Variants in SPATA16 observed in about 807,000 individuals in gnomAD.
SPATA16 encodes the protein spermatogenesis associated 16.
A neutral mutation model predicts 63.3 loss-of-function variants in SPATA16; 36 were observed. The observed-to-expected ratio is 0.57, with a 90% CI of 0.44 to 0.75. The LOEUF is 0.75. Ranked by LOEUF, SPATA16 falls within the 30% of genes least tolerant of loss-of-function variation. The pLI, the probability that SPATA16 is intolerant of heterozygous loss-of-function variation, is 0.00. For synonymous variants in SPATA16, 203 were observed against 216.7 expected (o/e 0.94, Z 0.56); for missense variants, 646 against 679.3 (o/e 0.95, Z 0.54).
chr3:173,113,876 T>A (rs1189843533), intron 2 of SPATA16, among the ~76,000 whole-genome samples: 1 of 152,200 alleles, frequency 6.6e-6, no homozygotes, highest in Non-Finnish European at 1.5e-5. Context: ...ACCACATATT[T>A]GGCAACCATT....
rs147273540 is a variant in SPATA16 at position 173,053,849 on chromosome 3, G to T, written c.613-4755C>A. On this transcript the variant is annotated intron_variant, in intron 2 of 10. Coordinates refer to ENST00000351008, the MANE Select transcript of SPATA16 (RefSeq NM_031955.6). ...ATAATCATCAATTGGTAATTTTTAA[G>T]GTTTTTGGAAATTATAAAAAAATCT... 8.8e-4 allele frequency among the ~76,000 whole-genome samples: 133 copies of T among 151,932 alleles called. 1 individual carries two copies. Among genetic ancestry groups the T allele is most frequent in the African/African-American group, 2.9e-3 (120 of 41,442 alleles).
chr3:173,115,067 G>A (rs1003542326), intron 2 of SPATA16, among the ~76,000 whole-genome samples: 1 of 152,132 alleles, frequency 6.6e-6, no homozygotes, highest in African/African-American at 2.4e-5. Flanking sequence ...CTGGGAGAGA[G>A]AAGGAGAACA....
chr3:172,938,814 C>T (rs1733073039), intron 6 of SPATA16, among the ~76,000 whole-genome samples: 1 of 148,060 alleles, frequency 6.8e-6, no homozygotes, highest in African/African-American at 2.5e-5. Flanking sequence ...AGTTGTTTTT[C>T]AGAGATCCAG....
chr3:173,117,079 T>C, intron 2 of SPATA16, 41 bp downstream of exon 2: 1 of 1,596,740 alleles, frequency 6.3e-7, no homozygotes, highest in South Asian at 1.1e-5. Context: ...TTCCATTTCA[T>C]AGTTTCCTGT....
chr3:172,978,161 C>CTCTCTA (rs779050166), intron 4 of SPATA16, among the ~76,000 whole-genome samples: 59 of 147,230 alleles, frequency 4.0e-4, no homozygotes, highest in African/African-American at 1.4e-3. Flanking sequence ...CTCTCTCTCT[C>CTCTCTA]TATATATATA....
intron 2 of SPATA16, among the ~76,000 whole-genome samples, chr3:173,088,274 G>A (rs1413667797): frequency 6.6e-5 from 10 of 151,238 alleles, no homozygotes; most frequent in East Asian, 1.9e-4. Flanking sequence ...TAGTAGAGAC[G>A]GGGTTTCACC....
Position 173,060,085 on chromosome 3 carries a change from G to A in SPATA16, c.613-10991C>T, listed in dbSNP as rs553650959. On this transcript the variant is annotated intron_variant, in intron 2 of 10. Transcript: ENST00000351008. The stretch of plus-strand genomic sequence containing the variant: ...CAGCCTGGCCAACATGGTGAAACCC[G>A]GTCTCTACTAAAAATATAAAAATTA... 1.1e-4 allele frequency among the ~76,000 whole-genome samples: 17 copies of A among 151,428 alleles called. No individual in the cohort carries two copies. The East Asian group carries it at 2.7e-3, about 24-fold the overall frequency.
At chr3:173,104,267 T>C (rs1391204901) in intron 2 of SPATA16, among the ~76,000 whole-genome samples, 1 of 152,214 alleles carries the variant, frequency 6.6e-6, no homozygotes, top group Non-Finnish European at 1.5e-5. Flanking sequence ...CCAAACTCTT[T>C]AAACCTCTGC....
At chr3:172,896,482 A>G (rs1389972641) in intron 10 of SPATA16, among the ~76,000 whole-genome samples, 2 of 152,110 alleles carry the variant, frequency 1.3e-5, no homozygotes, top group African/African-American at 4.8e-5. Flanking sequence ...TGGCCTCCCA[A>G]AGTGCTGGGA....
intron 10 of SPATA16, among the ~76,000 whole-genome samples, chr3:172,901,585 G>A (rs988365917): frequency 1.1e-4 from 17 of 152,144 alleles, no homozygotes; most frequent in African/African-American, 3.1e-4. Flanking sequence ...AGATCTTTCC[G>A]GTTTTTGGTG....
intron 1 of SPATA16, among the ~76,000 whole-genome samples, chr3:173,128,367 A>G (rs1020735115): frequency 2.0e-5 from 3 of 152,214 alleles, no homozygotes; most frequent in African/African-American, 7.2e-5. Flanking sequence ...ATGATTTACT[A>G]AGCAACAACT....
chr3:173,117,145 G>C lies in SPATA16; in HGVS notation c.587C>G (p.Ala196Gly). ...CYRQKKYALAAGQFRTALELC... is the reference protein window; with the variant it reads ...CYRQKKYALAGGQFRTALELC... Reference sequence around the variant, plus strand: ...CTCAAGTGCTGTTCTGAACTGTCCTGCTGCCAAGGCGTATTTCTTTTGTCT... The same window carrying C: ...CTCAAGTGCTGTTCTGAACTGTCCTCCTGCCAAGGCGTATTTCTTTTGTCT... The change falls in exon 2 of 11, where the codon GCA becomes GGA. Residue 196 changes from alanine (A) to glycine (G), a missense_variant. Physicochemically the swap from Ala to Gly is moderately conservative, Grantham distance 60 (BLOSUM62 0). Coordinates refer to ENST00000351008, the MANE Select transcript of SPATA16 (RefSeq NM_031955.6). The C allele has an allele frequency of 6.2e-7, 1 of 1,614,046 alleles. No homozygotes were observed. Among genetic ancestry groups the C allele is most frequent in the African/African-American group, 1.3e-5 (1 of 75,030 alleles).
chr3:173,080,595 G>A (rs1201876851), intron 2 of SPATA16, among the ~76,000 whole-genome samples: 3 of 152,148 alleles, frequency 2.0e-5, no homozygotes, highest in Non-Finnish European at 4.4e-5. Context: ...TATGGACGGG[G>A]TGATCTCAGA....
rs150488012 is a variant in SPATA16 at position 173,138,534 on chromosome 3, A to G, written c.-19+2569T>C. On this transcript the variant is annotated intron_variant, in intron 1 of 10. Transcript: ENST00000351008. ...AATAATGTTTATGTTTGAAAGGCAC[A>G]TGCACAACTTATTTAGGTAAATCTA... Among the ~76,000 whole-genome samples, 677 of 152,342 alleles carry G rather than the reference A, an allele frequency of 4.4e-3. 6 individuals are homozygous for G. The highest frequency in any genetic ancestry group is 0.016 in the African/African-American group (647 of 41,578).
chr3:173,016,962 G>C (rs916819627), intron 4 of SPATA16, among the ~76,000 whole-genome samples: 1 of 151,290 alleles, frequency 6.6e-6, no homozygotes, highest in African/African-American at 2.4e-5. Flanking sequence ...TACAGTGAGC[G>C]CTGAGACTGT....
chr3:172,916,390 A>T lies in SPATA16; in HGVS notation c.1430T>A (p.Val477Glu), dbSNP rs778896820. 6.2e-7 allele frequency: 1 copy of T among 1,613,884 alleles called. No individual in the cohort carries two copies. The highest frequency in any genetic ancestry group is 1.1e-5 in the South Asian group (1 of 91,080). Residue 477 changes from valine to glutamate, a missense_variant, in exon 9 of 11, where the codon GTG (valine) becomes GAG (glutamate). By Grantham distance (121) the Val-to-Glu change is moderately radical. Coordinates refer to ENST00000351008, the MANE Select transcript of SPATA16 (RefSeq NM_031955.6). ...TAGCTCTGCCATTGCTTGATTAATC[A>T]CCTGGGACTGCTCCTTTACTCTCTG... Reference protein sequence around the residue: ...QLQRVKEQSQVINQAMAELAT... With the variant: ...QLQRVKEQSQEINQAMAELAT...
chr3:173,118,031 G>T (rs1737955109), intron 1 of SPATA16, among the ~76,000 whole-genome samples: 2 of 152,104 alleles, frequency 1.3e-5, no homozygotes, highest in African/African-American at 4.8e-5. Context: ...CTTTAATGGG[G>T]TATCCAAACT....
chr3:172,916,705 G>A (rs879260831), intron 8 of SPATA16, among the ~76,000 whole-genome samples: 14 of 152,116 alleles, frequency 9.2e-5, no homozygotes, highest in Non-Finnish European at 2.1e-4. Context: ...TGTTGAGACG[G>A]ATTTGCTGAT....
chr3:172,928,170 A>G (rs1240713662), intron 6 of SPATA16, among the ~76,000 whole-genome samples: 1 of 151,964 alleles, frequency 6.6e-6, no homozygotes, highest in Non-Finnish European at 1.5e-5. Flanking sequence ...CACCCTCCCA[A>G]AGTGTTGGGA....
Sources: allele counts gnomAD v4.1 joint callset (sites outside exome capture counted in the v4.1 genomes callset), GRCh38; gene constraint gnomAD v4.1.1; transcripts MANE v1.5; gene names NCBI Gene and HGNC (gene_info 2026-07-23, HGNC 2026-07-21).